CNTN5: variants seen among roughly 807,000 people sequenced by gnomAD.
CNTN5 encodes contactin 5.
Under a neutral mutation model 129.1 loss-of-function variants are expected in CNTN5, and 77 were observed. The observed-to-expected ratio is 0.60, with a 90% CI of 0.50 to 0.72. The LOEUF (loss-of-function observed/expected upper bound fraction) is 0.72. Ranked by LOEUF, CNTN5 falls within the 30% of genes least tolerant of loss-of-function variation. CNTN5 has a pLI of 0.00. For synonymous variants in CNTN5, 509 were observed against 465.6 expected (o/e 1.09, Z -1.20); for missense variants, 1,478 against 1,328.8 (o/e 1.11, Z -1.75).
intron 6 of CNTN5, among the ~76,000 whole-genome samples, chr11:99,852,772 A>C (rs1947913314): frequency 6.6e-6 from 1 of 152,188 alleles, no homozygotes; most frequent in African/African-American, 2.4e-5. Flanking sequence ...TCTTCATTCA[A>C]GTTGTAAAGT....
chr11:99,351,657 T>C (rs1938308407), intron 2 of CNTN5, among the ~76,000 whole-genome samples: 1 of 152,348 alleles, frequency 6.6e-6, no homozygotes, highest in African/African-American at 2.4e-5. Context: ...ACAGTATTTC[T>C]CTTCATGATA....
intron 1 of CNTN5, among the ~76,000 whole-genome samples, chr11:99,278,255 T>C (rs1863537834): frequency 6.6e-6 from 1 of 151,654 alleles, no homozygotes; most frequent in Non-Finnish European, 1.5e-5. Flanking sequence ...TGGGCTAGGC[T>C]TTCACTTGCT....
intron 3 of CNTN5, among the ~76,000 whole-genome samples, chr11:99,684,053 C>T (rs542823762): frequency 2.6e-5 from 4 of 151,682 alleles, no homozygotes; most frequent in Admixed American, 6.6e-5. Context: ...CTTAACTTCT[C>T]ATAAGTGAAA....
chr11:99,419,152 A>G (rs1267232392), intron 2 of CNTN5, among the ~76,000 whole-genome samples: 1 of 152,188 alleles, frequency 6.6e-6, no homozygotes, highest in Non-Finnish European at 1.5e-5. Flanking sequence ...GTCATCAACT[A>G]TGCAGAGGGC....
chr11:99,569,295 T>C (rs1341768190), intron 3 of CNTN5, among the ~76,000 whole-genome samples: 1 of 148,496 alleles, frequency 6.7e-6, no homozygotes. Context: ...AACTGTTTTT[T>C]ATTTTTATTA....
At chr11:99,041,192 A>T (rs1863971962) in intron 1 of CNTN5, among the ~76,000 whole-genome samples, 1 of 152,050 alleles carries the variant, frequency 6.6e-6, no homozygotes, top group Non-Finnish European at 1.5e-5. Context: ...TTATTTTAAA[A>T]TTTGCCTGTA....
intron 2 of CNTN5, among the ~76,000 whole-genome samples, chr11:99,379,949 G>A (rs1940429785): frequency 6.6e-6 from 1 of 151,896 alleles, no homozygotes; most frequent in South Asian, 2.1e-4. Flanking sequence ...ACACTTATGT[G>A]CCATATATGA....
At chr11:99,888,741 A>T (rs76117362) in intron 6 of CNTN5, among the ~76,000 whole-genome samples, 1,855 of 152,284 alleles carry the variant, frequency 0.012, 39 homozygotes, top group African/African-American at 0.042. Context: ...TATTAACAGG[A>T]CATTATCCTC....
intron 18 of CNTN5, among the ~76,000 whole-genome samples, chr11:100,284,797 T>A (rs1028968638): frequency 6.6e-6 from 1 of 152,244 alleles, no homozygotes; most frequent in Non-Finnish European, 1.5e-5. Context: ...ATTTGCAGTT[T>A]ATTTCAAATT....
intron 18 of CNTN5, among the ~76,000 whole-genome samples, chr11:100,291,182 T>C (rs1950956797): frequency 6.6e-6 from 1 of 150,526 alleles, no homozygotes; most frequent in African/African-American, 2.4e-5. Context: ...AGTTCAACCA[T>C]TGTGGAAGTC....
chr11:99,072,960 T>A (rs1472730768), intron 1 of CNTN5, among the ~76,000 whole-genome samples: 8 of 152,200 alleles, frequency 5.3e-5, no homozygotes, highest in Admixed American at 3.9e-4. Context: ...GTTTTTGAAC[T>A]TCATATAAAT....
At position 100,061,413 on chromosome 11, in the gene CNTN5, C is replaced by G; in HGVS notation, c.1162+20C>G. On this transcript the variant is annotated intron_variant, in intron 10 of 24. Transcript: ENST00000524871. ...TATACAGTAAGTGTTTTCAGCAAAGCATGATTGCTCTAGTCCCAAAAGTCA... is the reference window on the plus strand; with the variant it reads ...TATACAGTAAGTGTTTTCAGCAAAGGATGATTGCTCTAGTCCCAAAAGTCA... The G allele has an allele frequency of 6.6e-7, 1 of 1,515,086 alleles. No individual in the cohort carries two copies. Among genetic ancestry groups the G allele is most frequent in the Non-Finnish European group, 9.0e-7 (1 of 1,112,520 alleles). 93.9% of individuals were successfully genotyped at this position (1,515,086 alleles called of 1,614,324 possible).
At chr11:100,304,128 G>A (rs1951291879) in intron 20 of CNTN5, among the ~76,000 whole-genome samples, 1 of 151,528 alleles carries the variant, frequency 6.6e-6, no homozygotes, top group South Asian at 2.1e-4. Context: ...CGAAATTCAT[G>A]AACACGGTAA....
intron 1 of CNTN5, among the ~76,000 whole-genome samples, chr11:99,276,502 T>C (rs1319395877): frequency 1.3e-5 from 2 of 151,628 alleles, no homozygotes; most frequent in Non-Finnish European, 3.0e-5. Flanking sequence ...ACTCTTGCTT[T>C]GTGATCACTG....
intron 13 of CNTN5, among the ~76,000 whole-genome samples, chr11:100,094,982 A>C (rs1295828613): frequency 2.6e-5 from 4 of 152,276 alleles, no homozygotes; most frequent in East Asian, 1.9e-4. Flanking sequence ...CTTTGCACAA[A>C]TATATTTAAA....
At chr11:99,643,990 T>C (rs1207784932) in intron 3 of CNTN5, among the ~76,000 whole-genome samples, 3 of 151,472 alleles carry the variant, frequency 2.0e-5, no homozygotes, top group Non-Finnish European at 1.5e-5. Flanking sequence ...CCATATTCTA[T>C]ATGCACACAT....
chr11:100,338,977 C>A (rs1952098378), intron 21 of CNTN5, among the ~76,000 whole-genome samples: 1 of 151,972 alleles, frequency 6.6e-6, no homozygotes, highest in Non-Finnish European at 1.5e-5. Flanking sequence ...ACAGTGCTGT[C>A]TTACCTCCAC....
chr11:99,686,684 T>C (rs1485992081), intron 3 of CNTN5, among the ~76,000 whole-genome samples: 1 of 152,122 alleles, frequency 6.6e-6, no homozygotes, highest in African/African-American at 2.4e-5. Context: ...GTGTATATTT[T>C]CGGGGACTTT....
Position 99,091,037 on chromosome 11 carries a change from A to AAAAG in CNTN5, c.-210+69770_-210+69771insGAAA, listed in dbSNP as rs1186183567. Among the ~76,000 whole-genome samples, 81 of 151,232 alleles carry AAAAG rather than the reference A, an allele frequency of 5.4e-4. 4 individuals carry two copies. The highest frequency in any genetic ancestry group is 1.9e-3 in the African/African-American group (79 of 41,082). On this transcript the variant is annotated intron_variant, in intron 1 of 24. Transcript: ENST00000524871. Reference sequence around the variant, plus strand: ...ACTCCGTCTCAAAAAAAAAAAAAAAAAAAAAAAGCCTTATGTCTATGAAAG... The same window carrying AAAAG: ...ACTCCGTCTCAAAAAAAAAAAAAAAAAAAGAAAAAAAGCCTTATGTCTATGAAAG...
Sources: gnomAD v4.1 joint callset for allele counts (sites outside exome capture counted in the v4.1 genomes callset) on GRCh38, gnomAD v4.1.1 for gene constraint, MANE v1.5 for transcripts, NCBI Gene and HGNC (gene_info 2026-07-23, HGNC 2026-07-21) for gene names.